The following KMT2A variants were observed in gnomAD, a reference collection of about 807,000 sequenced individuals.
KMT2A encodes the protein lysine methyltransferase 2A, also known as histone-lysine N-methyltransferase 2A.
A neutral mutation model predicts 345.3 loss-of-function variants in KMT2A; 16 were observed. The ratio of observed to expected loss-of-function variants is 0.05; its 90% CI spans 0.03 to 0.07. KMT2A has a LOEUF of 0.07. KMT2A is among the 10% of genes least tolerant of loss of function. The pLI is 1.00. For missense variants in KMT2A, 3,272 were observed against 4,841.6 expected, an observed-to-expected ratio of 0.68 and a Z score of 9.62; for synonymous variants, 1,599 against 1,778.6, an observed-to-expected ratio of 0.90 and a Z score of 2.54.
At position 118,494,853 on chromosome 11, in the gene KMT2A, A is replaced by C; in HGVS notation, c.5363+86A>C. 9.7e-7 allele frequency: 1 copy of C among 1,031,508 alleles called. No individual in the cohort carries two copies. The highest frequency in any genetic ancestry group is 1.5e-6 in the Non-Finnish European group (1 of 670,662). 63.9% of individuals were successfully genotyped at this position (1,031,508 alleles called of 1,614,324 possible). A position where few individuals can be genotyped will look rare whatever the true frequency, so the allele number is the denominator to read the frequency against. On this transcript the variant is annotated intron_variant, in intron 18 of 35. Transcript: ENST00000534358. This position sits in a 1 kb window ranked among gnomAD's most constrained non-coding sequence, Gnocchi z 5.8. The stretch of plus-strand genomic sequence containing the variant: ...TATTTCTAGATTGCAGTTTTCCAAA[A>C]GGTTTTAATACTAGAAATGAATTGG...
At position 118,491,174 on chromosome 11, in the gene KMT2A, G is replaced by C; in HGVS notation, c.4697-22G>C. The C allele has an allele frequency of 6.2e-7, 1 of 1,611,964 alleles. No individual in the cohort carries two copies. Among genetic ancestry groups the C allele is most frequent in the South Asian group, 1.1e-5 (1 of 90,642 alleles). On this transcript the variant is annotated intron_variant, in intron 13 of 35. Coordinates refer to ENST00000534358, the MANE Select transcript of KMT2A (RefSeq NM_001197104.2). The surrounding 1 kb of genome is among the most constrained non-coding windows in gnomAD (Gnocchi z 4.2). ...CGGGTATGTGAGCCAAAGCACTGCT[G>C]TAAACTTTGCTTTGCTTTCAGGAAA...
rs890799656 is a variant in KMT2A, at chr11:118,491,676, T to C, written c.4820-68T>C. 5 of 1,223,282 alleles carry C rather than the reference T, an allele frequency of 4.1e-6. No homozygotes were observed. In the East Asian group the frequency reaches 7.1e-5, roughly 17 times the overall value. 75.8% of individuals were successfully genotyped at this position (1,223,282 alleles called of 1,614,324 possible). On this transcript the variant is annotated intron_variant, in intron 14 of 35. Transcript: ENST00000534358. The surrounding 1 kb of genome is among the most constrained non-coding windows in gnomAD (Gnocchi z 4.2). ...TGGCTTTATAGTAAGTTCAGTGGAA[T>C]AGTTTCCTCTTCTTCCTCTCTCTCA...
At chr11:118,441,977 G>T (rs192198576) in intron 1 of KMT2A, among the ~76,000 whole-genome samples, 390 of 152,296 alleles carry the variant, frequency 2.6e-3, no homozygotes, top group Non-Finnish European at 3.3e-3. Flanking sequence ...GCTAGAGGGG[G>T]TGGCAACAGT....
chr11:118,477,673 A>G (rs1379573869), intron 4 of KMT2A, among the ~76,000 whole-genome samples: 1 of 150,732 alleles, frequency 6.6e-6, no homozygotes, highest in Non-Finnish European at 1.5e-5. Flanking sequence ...ATGCCTGGCT[A>G]ATTTTTGTAT....
chr11:118,500,903 T>C, intron 24 of KMT2A, 84 bp from the exon 25 acceptor site: 2 of 1,069,406 alleles, frequency 1.9e-6, no homozygotes, highest in Non-Finnish European at 2.7e-6. Flanking sequence ...CCAGGGAACC[T>C]AGGATAAAGA....
In KMT2A at chr11:118,502,336, A is replaced by T; in HGVS notation, c.6506-62A>T. 9.2e-7 allele frequency: 1 copy of T among 1,086,576 alleles called. No homozygotes were observed. The highest frequency in any genetic ancestry group is 1.3e-6 in the Non-Finnish European group (1 of 754,630). 67.3% of individuals were successfully genotyped at this position (1,086,576 alleles called of 1,614,324 possible). A position where few individuals can be genotyped will look rare whatever the true frequency, so the allele number is the denominator to read the frequency against. On this transcript the variant is annotated intron_variant, in intron 26 of 35. Coordinates refer to ENST00000534358, the MANE Select transcript of KMT2A (RefSeq NM_001197104.2). The surrounding 1 kb of genome is among the most constrained non-coding windows in gnomAD (Gnocchi z 4.9). ...TATATATAGTCAAATCATTGAAACC[A>T]GTGACTTCTACACATTTGTTCTATC...
At position 118,505,989 on chromosome 11, in the gene KMT2A, C is replaced by T. The variant is rs771969296; in HGVS notation, c.10097C>T (p.Thr3366Ile). The T allele has an allele frequency of 6.2e-7, 1 of 1,614,188 alleles. No individual in the cohort carries two copies. The highest frequency in any genetic ancestry group is 8.5e-7 in the Non-Finnish European group (1 of 1,180,034). ...AGTGCGTCAGTTCCAGGACACGTCACCTTAACCAACCCAAGGTTGCTTGGT... is the reference window on the plus strand; with the variant it reads ...AGTGCGTCAGTTCCAGGACACGTCATCTTAACCAACCCAAGGTTGCTTGGT... ...TSSASVPGHV[T>I]LTNPRLLGTP... The change falls in exon 27 of 36, where the codon ACC (threonine) becomes ATC (isoleucine). Residue 3366 changes from threonine (T) to isoleucine (I), a missense_variant. By Grantham distance (89) the Thr-to-Ile change is moderately conservative. This residue lies in a region of KMT2A where 748 missense variants were observed against 922.2 expected (regional missense o/e 0.81). Coordinates refer to ENST00000534358, the MANE Select transcript of KMT2A (RefSeq NM_001197104.2). The surrounding 1 kb of genome is among the most constrained non-coding windows in gnomAD (Gnocchi z 4.6).
chr11:118,437,548 A>G (rs1477482409), intron 1 of KMT2A, among the ~76,000 whole-genome samples: 1 of 24,620 alleles, frequency 4.1e-5, no homozygotes, highest in Non-Finnish European at 8.4e-5. Context: ...CTCTACCCCC[A>G]CCCCAAGCAG....
Position 118,522,706 on chromosome 11 carries a change from T to A in KMT2A, c.*534T>A. 1 of 216,222 alleles carries A rather than the reference T, an allele frequency of 4.6e-6. No individual in the cohort carries two copies. The highest frequency in any genetic ancestry group is 9.3e-6 in the Non-Finnish European group (1 of 106,980). 13.4% of individuals were successfully genotyped at this position (216,222 alleles called of 1,614,324 possible). ...ATCCTCCCACTCGAGAGTTCACTTC[T>A]GGTTGGGAGACAGGATTCCTAGCAC... On this transcript the variant is annotated 3_prime_UTR_variant, in exon 36 of 36. Transcript: ENST00000534358. This position sits in a 1 kb window ranked among gnomAD's most constrained non-coding sequence, Gnocchi z 5.4.
At chr11:118,507,114 T>C (rs576203263) in intron 27 of KMT2A, among the ~76,000 whole-genome samples, 26 of 152,248 alleles carry the variant, frequency 1.7e-4, no homozygotes, top group Non-Finnish European at 2.6e-4. Context: ...CTGTGCAACA[T>C]AGTAAGACCC....
chr11:118,519,969 T>A lies in KMT2A; in HGVS notation c.11334T>A (p.Phe3778Leu). 1 of 1,613,604 alleles carries A rather than the reference T, an allele frequency of 6.2e-7. No homozygotes were observed. Among genetic ancestry groups the A allele is most frequent in the Non-Finnish European group, 8.5e-7 (1 of 1,179,534 alleles). Residue 3778 changes from phenylalanine to leucine, a missense_variant, in exon 33 of 36, where the codon TTT becomes TTA. By Grantham distance (22) the Phe-to-Leu change is conservative. Coordinates refer to ENST00000534358, the MANE Select transcript of KMT2A (RefSeq NM_001197104.2). Reference sequence around the variant, plus strand: ...CTTTTGGCCCCAGGAAGTCAGCATTTGACATGTTTAACTTCCTGGCTTCTA... The same window carrying A: ...CTTTTGGCCCCAGGAAGTCAGCATTAGACATGTTTAACTTCCTGGCTTCTA... ...RAEVHLRKSAFDMFNFLASKH... is the reference protein window; with the variant it reads ...RAEVHLRKSALDMFNFLASKH...
In KMT2A at chr11:118,496,757, G is replaced by A. The variant is rs781848874; in HGVS notation, c.5664+390G>A. On this transcript the variant is annotated intron_variant, in intron 20 of 35. Transcript: ENST00000534358. This position sits in a 1 kb window ranked among gnomAD's most constrained non-coding sequence, Gnocchi z 4.7. ...AATCGTTAAGAGCCCGAGTTCTGCC[G>A]CCTGCCTGAATACATTTCTGTGCTT... Among the ~76,000 whole-genome samples, 66 of 152,074 alleles carry A rather than the reference G, an allele frequency of 4.3e-4. No individual in the cohort carries two copies. Among genetic ancestry groups the A allele is most frequent in the African/African-American group, 1.3e-3 (54 of 41,376 alleles).
Position 118,504,076 on chromosome 11 carries a change from G to A in KMT2A, c.8184G>A (p.Glu2728=), listed in dbSNP as rs566889266. The part of the protein sequence containing the change: ...SQLDGVDDGT[E]SDTSVTATTR... ...TGGATGGTGTTGATGATGGGACAGA[G>A]AGTGATACTAGTGTCACAGCCACAA... The change falls in exon 27 of 36, where the codon GAG becomes GAA. Residue 2728 remains glutamate (E), a synonymous_variant. Transcript: ENST00000534358. This position sits in a 1 kb window ranked among gnomAD's most constrained non-coding sequence, Gnocchi z 6.4. 3.7e-6 allele frequency: 6 copies of A among 1,614,174 alleles called. No individual in the cohort carries two copies. In the East Asian group the frequency reaches 1.3e-4, roughly 36 times the overall value.
At position 118,523,919 on chromosome 11, in the gene KMT2A, CA is replaced by C; in HGVS notation, c.*1751del. 5.0e-6 allele frequency: 1 copy of C among 201,228 alleles called. No individual in the cohort carries two copies. Among genetic ancestry groups the C allele is most frequent in the Non-Finnish European group, 1.0e-5 (1 of 97,740 alleles). 12.5% of individuals were successfully genotyped at this position (201,228 alleles called of 1,614,324 possible). Reference sequence around the variant, plus strand: ...CCCTCCTTCCCCTATTGAAGCTCCTCAAAAGGCTACAGTAATATCTTGATAC... The same window carrying C: ...CCCTCCTTCCCCTATTGAAGCTCCTCAAAGGCTACAGTAATATCTTGATAC... On this transcript the variant is annotated 3_prime_UTR_variant, in exon 36 of 36. Coordinates refer to ENST00000534358, the MANE Select transcript of KMT2A (RefSeq NM_001197104.2).
In KMT2A at chr11:118,502,511, C is replaced by T. The variant is rs150570074; in HGVS notation, c.6619C>T (p.Arg2207Trp). ...RHSTSSLSPQ[R>W]SKLRIMSPMR... is the part of the protein sequence containing the mutation. Reference sequence around the variant, plus strand: ...CAGTACCTCTTCCTTATCACCCCAGCGGTCCAAACTCCGGATAATGTCTCC... The same window carrying T: ...CAGTACCTCTTCCTTATCACCCCAGTGGTCCAAACTCCGGATAATGTCTCC... Residue 2207 changes from arginine (R) to tryptophan (W), a missense_variant, in exon 27 of 36, where the codon CGG becomes TGG. By Grantham distance (101) the Arg-to-Trp change is moderately radical. Transcript: ENST00000534358. This position sits in a 1 kb window ranked among gnomAD's most constrained non-coding sequence, Gnocchi z 4.9. 5.1e-5 allele frequency: 83 copies of T among 1,613,968 alleles called. No homozygotes were observed. The highest frequency in any genetic ancestry group is 6.4e-5 in the Non-Finnish European group (76 of 1,180,014).
chr11:118,490,138 A>C lies in KMT2A; in HGVS notation c.4585A>C (p.Lys1529Gln), dbSNP rs1295869359. The C allele has an allele frequency of 1.2e-6, 2 of 1,610,864 alleles. No homozygotes were observed. Among genetic ancestry groups the C allele is most frequent in the Non-Finnish European group, 1.7e-6 (2 of 1,179,198 alleles). The change falls in exon 13 of 36, where the codon AAG (lysine) becomes CAG (glutamine). Residue 1529 changes from lysine (K) to glutamine (Q), a missense_variant. Lys to Gln is a moderately conservative substitution (Grantham distance 53). Coordinates refer to ENST00000534358, the MANE Select transcript of KMT2A (RefSeq NM_001197104.2). This position sits in a 1 kb window ranked among gnomAD's most constrained non-coding sequence, Gnocchi z 4.2. ...TTTTCTTCTTTTCTAGATCTGTACCAAGTGTGTTCGCTGTAAGAGCTGTGG... is the reference window on the plus strand; with the variant it reads ...TTTTCTTCTTTTCTAGATCTGTACCCAGTGTGTTCGCTGTAAGAGCTGTGG... ...TKKKKVWICT[K>Q]CVRCKSCGST... is the part of the protein sequence containing the mutation.
chr11:118,476,992 G>A lies in KMT2A; in HGVS notation c.3334+10G>A. The stretch of plus-strand genomic sequence containing the variant: ...TCCATGGGGAATGATGGTAGGTCAA[G>A]AAGGTCAATCTTGGAGTCGGAACAG... On this transcript the variant is annotated intron_variant, in intron 4 of 35. Coordinates refer to ENST00000534358, the MANE Select transcript of KMT2A (RefSeq NM_001197104.2). The surrounding 1 kb of genome is among the most constrained non-coding windows in gnomAD (Gnocchi z 4.1). The A allele has an allele frequency of 6.2e-7, 1 of 1,613,866 alleles. No homozygotes were observed. Among genetic ancestry groups the A allele is most frequent in the Non-Finnish European group, 8.5e-7 (1 of 1,179,868 alleles).
In KMT2A at chr11:118,474,082, G is replaced by A. The variant is rs782295708; in HGVS notation, c.2923G>A (p.Asp975Asn). 1 of 1,614,000 alleles carries A rather than the reference G, an allele frequency of 6.2e-7. No homozygotes were observed. Among genetic ancestry groups the A allele is most frequent in the Non-Finnish European group, 8.5e-7 (1 of 1,179,970 alleles). ...AGGAAATCTGGAAAAAACCAACTTG[G>A]ACCTCGGCCCAACTGCCCCATCCCT... ...GRGNLEKTNL[D>N]LGPTAPSLEK... Residue 975 changes from aspartate (D) to asparagine (N), a missense_variant, in exon 3 of 36, where the codon GAC (aspartate) becomes AAC (asparagine). Asp to Asn is a conservative substitution (Grantham distance 23). This residue lies in a region of KMT2A where 39 missense variants were observed against 88.9 expected (regional missense o/e 0.44). Coordinates refer to ENST00000534358, the MANE Select transcript of KMT2A (RefSeq NM_001197104.2).
chr11:118,452,408 T>A (rs1949557769), intron 1 of KMT2A, among the ~76,000 whole-genome samples: 1 of 152,098 alleles, frequency 6.6e-6, no homozygotes, highest in South Asian at 2.1e-4. Context: ...TGGTGAGCAC[T>A]GTAGTCCCAG....
Sources: gnomAD v4.1 joint callset for allele counts (sites outside exome capture counted in the v4.1 genomes callset) on GRCh38, gnomAD v4.1.1 for gene constraint, gnomAD v4.1.1 regional missense constraint, Gnocchi (gnomAD v3.1) non-coding constraint, MANE v1.5 for transcripts, NCBI Gene and HGNC (gene_info 2026-07-23, HGNC 2026-07-21) for gene names.